The following PIAS4 variants were observed in gnomAD, a reference collection of about 807,000 sequenced individuals.
PIAS4 encodes E3 SUMO-protein ligase PIAS4.
In PIAS4, 7 loss-of-function variants were observed where a neutral mutation model predicts 58.0. That is an observed-to-expected ratio of 0.12 (90% CI 0.07 to 0.23). The LOEUF is 0.23. PIAS4 is among the 10% of genes least tolerant of loss of function. The pLI is 1.00. For missense variants in PIAS4, 550 were observed against 709.5 expected (o/e 0.78, Z 2.55); for synonymous variants, 364 against 312.4 (o/e 1.17, Z -1.74).
intron 1 of PIAS4, among the ~76,000 whole-genome samples, chr19:4,011,430 C>CA (rs2039990853): frequency 6.6e-6 from 1 of 152,264 alleles, no homozygotes; most frequent in African/African-American, 2.4e-5. Flanking sequence ...GGTCAGGCCA[C>CA]TGCCAGTCTA....
chr19:4,029,170 G>C, intron 7 of PIAS4, 134 bp downstream of exon 7: 1 of 656,442 alleles, frequency 1.5e-6, no homozygotes, highest in Admixed American at 2.6e-5. Flanking sequence ...GGGGTCCATG[G>C]CCCCCCGGCT....
chr19:4,037,311 G>A lies in PIAS4; in HGVS notation c.1143-63G>A. On this transcript the variant is annotated intron_variant, in intron 9 of 10. Transcript: ENST00000262971. The surrounding 1 kb of genome is among the most constrained non-coding windows in gnomAD (Gnocchi z 5.8). ...CTGGCTGCATCCGGGAGGGATGGAG[G>A]GCTGGGGAGTTGGGGGGGTGGGGCA... 1.9e-6 allele frequency: 3 copies of A among 1,553,462 alleles called. No homozygotes were observed. The South Asian group carries it at 3.6e-5, about 19-fold the overall frequency.
At chr19:4,014,824 G>A (rs571792271) in intron 2 of PIAS4, among the ~76,000 whole-genome samples, 4 of 152,368 alleles carry the variant, frequency 2.6e-5, no homozygotes, top group African/African-American at 9.6e-5. Flanking sequence ...GATGGGGGTA[G>A]GGGGAAGGGG....
chr19:4,036,233 C>G (rs1460182247), intron 9 of PIAS4, among the ~76,000 whole-genome samples: 7 of 132,786 alleles, frequency 5.3e-5, no homozygotes, highest in African/African-American at 1.8e-4. Flanking sequence ...TACACACACA[C>G]ATCTATACAG....
At position 4,038,024 on chromosome 19, in the gene PIAS4, A is replaced by C. The variant is rs1164061004; in HGVS notation, c.*149A>C. On this transcript the variant is annotated 3_prime_UTR_variant, in exon 11 of 11. Transcript: ENST00000262971. The surrounding 1 kb of genome is among the most constrained non-coding windows in gnomAD (Gnocchi z 4.1). ...CTTTTGCCTGGCTCCTGGCACCTGT[A>C]CCTCTGGACTCTCCTATCGGGGGAT... 2.8e-6 allele frequency: 2 copies of C among 704,744 alleles called. No individual in the cohort carries two copies. The highest frequency in any genetic ancestry group is 4.6e-6 in the Non-Finnish European group (2 of 433,790). 43.7% of individuals were successfully genotyped at this position (704,744 alleles called of 1,614,324 possible).
At chr19:4,025,475 C>A (rs1342674518) in intron 3 of PIAS4, among the ~76,000 whole-genome samples, 1 of 152,232 alleles carries the variant, frequency 6.6e-6, no homozygotes, top group East Asian at 1.9e-4. Context: ...GAGTCCATGG[C>A]AGGGCTGGGC....
At chr19:4,011,656 T>G (rs1451918783) in intron 1 of PIAS4, among the ~76,000 whole-genome samples, 16 of 148,644 alleles carry the variant, frequency 1.1e-4, no homozygotes, top group Non-Finnish European at 1.3e-4. Context: ...TGGAGGTGTG[T>G]TTGGTGTGGA....
intron 9 of PIAS4, among the ~76,000 whole-genome samples, chr19:4,035,853 C>T (rs1310457917): frequency 6.9e-5 from 10 of 144,520 alleles, no homozygotes; most frequent in South Asian, 2.2e-4. Flanking sequence ...CGCACACATC[C>T]ATACAGTCCA....
rs1035419598 is a variant in PIAS4, at chr19:4,036,963, G to T, written c.1143-411G>T. The stretch of plus-strand genomic sequence containing the variant: ...ATTCATAGACTCCACACATGCACAC[G>T]TGCACACACACGCACATGCTCGCAC... On this transcript the variant is annotated intron_variant, in intron 9 of 10. Transcript: ENST00000262971. 2.0e-5 allele frequency among the ~76,000 whole-genome samples: 3 copies of T among 151,912 alleles called. No homozygotes were observed. In the South Asian group the frequency reaches 6.2e-4, roughly 32 times the overall value.
At chr19:4,027,481 C>T (rs1399184741) in intron 3 of PIAS4, among the ~76,000 whole-genome samples, 2 of 151,748 alleles carry the variant, frequency 1.3e-5, no homozygotes, top group African/African-American at 2.4e-5. Context: ...TGAACATCCA[C>T]GGATGCGTCT....
chr19:4,020,195 C>T (rs551855294), intron 2 of PIAS4, among the ~76,000 whole-genome samples: 3 of 152,316 alleles, frequency 2.0e-5, no homozygotes, highest in East Asian at 3.9e-4. Flanking sequence ...GGATTACAGG[C>T]GTGAGCCACT....
At chr19:4,019,721 A>T (rs1599220615) in intron 2 of PIAS4, among the ~76,000 whole-genome samples, 1 of 152,106 alleles carries the variant, frequency 6.6e-6, no homozygotes, top group African/African-American at 2.4e-5. Context: ...GGGACTCCAC[A>T]GCCCATCACC....
rs749718311 is a variant in PIAS4, at chr19:4,029,054, C to T, written c.907+18C>T. 2.6e-6 allele frequency: 4 copies of T among 1,563,834 alleles called. No homozygotes were observed. The highest frequency in any genetic ancestry group is 2.3e-5 in the East Asian group (1 of 43,110). ...GGCACTGGGTGAGCAGCTCAGGCCA[C>T]CTCGGCCGAGGGGTGCCAAGTCCAC... On this transcript the variant is annotated intron_variant, in intron 7 of 10. Coordinates refer to ENST00000262971, the MANE Select transcript of PIAS4 (RefSeq NM_015897.4).
chr19:4,031,546 A>G (rs1016371865), intron 7 of PIAS4, among the ~76,000 whole-genome samples: 1 of 151,902 alleles, frequency 6.6e-6, no homozygotes, highest in African/African-American at 2.4e-5. Context: ...ACCGCCCCCG[A>G]CCTTCCCTGC....
chr19:4,007,877 GC>G, intron 1 of PIAS4, 90 bp downstream of exon 1: 2 of 1,007,184 alleles, frequency 2.0e-6, no homozygotes, highest in Non-Finnish European at 2.5e-6. Flanking sequence ...TCTGTCCGGG[GC>G]CCCACAGCGC....
chr19:4,011,658 T>G (rs958379600), intron 1 of PIAS4, among the ~76,000 whole-genome samples: 181 of 114,216 alleles, frequency 1.6e-3, no homozygotes, highest in African/African-American at 3.6e-3. Context: ...GAGGTGTGTT[T>G]GGTGTGGAGG....
chr19:4,008,535 A>G (rs77705738), intron 1 of PIAS4, among the ~76,000 whole-genome samples: 3 of 152,060 alleles, frequency 2.0e-5, no homozygotes, highest in Non-Finnish European at 4.4e-5. Context: ...TTCCCTCCCC[A>G]TAGGATGGAG....
At chr19:4,028,002 CA>C in intron 3 of PIAS4, 143 bp from the exon 4 acceptor site, 1 of 832,096 alleles carries the variant, frequency 1.2e-6, no homozygotes. Context: ...CCAGCCCGTA[CA>C]AAAGAGTCCT....
At chr19:4,029,132 G>A (rs947092248) in intron 7 of PIAS4, 96 bp downstream of exon 7, 24 of 852,162 alleles carry the variant, frequency 2.8e-5, no homozygotes, top group Middle Eastern at 3.2e-4. Context: ...ACCCGGAGGA[G>A]ATCGATCAGG....
Sources: gnomAD v4.1 joint callset for allele counts (sites outside exome capture counted in the v4.1 genomes callset) on GRCh38, gnomAD v4.1.1 for gene constraint, Gnocchi (gnomAD v3.1) non-coding constraint, MANE v1.5 for transcripts, NCBI Gene and HGNC (gene_info 2026-07-23, HGNC 2026-07-21) for gene names.